Variants in DACH2 observed in about 807,000 individuals in gnomAD.
DACH2 encodes dachshund family transcription factor 2, also known as dachshund homolog 2.
In DACH2, 17 loss-of-function variants were observed where a neutral mutation model predicts 35.8. The ratio of observed to expected loss-of-function variants is 0.48; its 90% CI spans 0.33 to 0.71. The LOEUF is 0.71. DACH2 is among the 30% of genes least tolerant of loss of function. DACH2 has a pLI of 0.02. For missense variants in DACH2, 469 were observed against 472.7 expected, an observed-to-expected ratio of 0.99 and a Z score of 0.07; for synonymous variants, 195 against 177.3, an observed-to-expected ratio of 1.10 and a Z score of -0.79.
At chrX:86,248,547 A>G (rs7050979) in intron 1 of DACH2, among the ~76,000 whole-genome samples, 11,227 of 111,125 alleles carry the variant, frequency 0.1, 1,439 homozygotes, top group African/African-American at 0.35. Flanking sequence ...ATCAGAGATG[A>G]CACACACAAA....
At chrX:86,388,453 C>A (rs2036153605) in intron 2 of DACH2, among the ~76,000 whole-genome samples, 1 of 111,351 alleles carries the variant, frequency 9.0e-6, no homozygotes, top group Non-Finnish European at 1.9e-5. Flanking sequence ...CCCAGTTCCC[C>A]ACAAACCAAT....
chrX:86,338,753 C>T (rs995928440), intron 1 of DACH2, among the ~76,000 whole-genome samples: 5 of 111,412 alleles, frequency 4.5e-5, no homozygotes, highest in Non-Finnish European at 9.4e-5. Context: ...CATGAAAAAC[C>T]CTTCAAAAAA....
Position 86,148,584 on chromosome X carries a change from C to T in DACH2, c.-37C>T. ...ATCTAGAGGAGTCAGGGCGAGAAAG[C>T]GAGGGCCGGAGGACCCACGATAGAG... On this transcript the variant is annotated 5_prime_UTR_variant, in exon 1 of 12. Coordinates refer to ENST00000373125, the MANE Select transcript of DACH2 (RefSeq NM_053281.3). The T allele has an allele frequency of 8.9e-7, 1 of 1,125,735 alleles. No homozygotes were observed. The highest frequency in any genetic ancestry group is 2.2e-5 in the South Asian group (1 of 45,686). The allele number at this position is 1,125,735 out of a possible 1,213,427, so 92.8% of individuals were successfully genotyped here. A position where few individuals can be genotyped will look rare whatever the true frequency, so the allele number is the denominator to read the frequency against.
rs191198778 is a variant in DACH2 at position 86,816,214 on chromosome X, A to G, written c.1750+115A>G. ...ATGATACTCTTCATATAAATAAAAT[A>G]AATAAGTTTTGACACTTCTTACTTT... On this transcript the variant is annotated intron_variant, in intron 11 of 11. Coordinates refer to ENST00000373125, the MANE Select transcript of DACH2 (RefSeq NM_053281.3). 2,944 of 408,315 alleles carry G rather than the reference A, an allele frequency of 7.2e-3. 18 individuals carry two copies. Among genetic ancestry groups the G allele is most frequent in the Non-Finnish European group, 6.2e-3 (1,604 of 258,735 alleles). 33.6% of individuals were successfully genotyped at this position (408,315 alleles called of 1,213,427 possible). A position where few individuals can be genotyped will look rare whatever the true frequency, so the allele number is the denominator to read the frequency against.
In DACH2 at chrX:86,832,441, G is replaced by A. The variant is rs2042622651; in HGVS notation, c.*286G>A. The A allele has an allele frequency of 2.3e-5, 6 of 263,880 alleles. No individual in the cohort carries two copies. The highest frequency in any genetic ancestry group is 1.3e-4 in the Admixed American group (2 of 15,019). The allele number at this position is 263,880 out of a possible 1,213,427, so 21.7% of individuals were successfully genotyped here. A position where few individuals can be genotyped will look rare whatever the true frequency, so the allele number is the denominator to read the frequency against. On this transcript the variant is annotated 3_prime_UTR_variant, in exon 12 of 12. Transcript: ENST00000373125. ...GCTTTTCTATGCTCATTTCAACTTG[G>A]CTTTTTGTCTTTTAAATTTTTAAAA...
At chrX:86,203,019 G>A (rs2032196153) in intron 1 of DACH2, among the ~76,000 whole-genome samples, 3 of 110,829 alleles carry the variant, frequency 2.7e-5, no homozygotes, top group African/African-American at 9.8e-5. Context: ...TGCCATTCCA[G>A]TAACATTTGG....
At chrX:86,245,754 C>T (rs1310707470) in intron 1 of DACH2, among the ~76,000 whole-genome samples, 1 of 112,049 alleles carries the variant, frequency 8.9e-6, no homozygotes, top group Non-Finnish European at 1.9e-5. Flanking sequence ...TGAACTCTGG[C>T]AGTTCTATAA....
At chrX:86,286,156 T>G in intron 1 of DACH2, among the ~76,000 whole-genome samples, 1 of 69,842 alleles carries the variant, frequency 1.4e-5, no homozygotes, top group Non-Finnish European at 2.5e-5. Context: ...GATCTCGCTC[T>G]GTCGCCCAGG....
intron 5 of DACH2, among the ~76,000 whole-genome samples, chrX:86,699,342 C>A (rs778297930): frequency 3.6e-5 from 4 of 112,264 alleles, no homozygotes; most frequent in South Asian, 7.5e-4. Flanking sequence ...ATACCCAAGG[C>A]TGGGCAATTT....
chrX:86,179,972 G>T (rs1435468837), intron 1 of DACH2, among the ~76,000 whole-genome samples: 2 of 108,060 alleles, frequency 1.9e-5, no homozygotes, highest in Non-Finnish European at 3.8e-5. Flanking sequence ...ATATGTATTT[G>T]CAAGATCTTG....
chrX:86,637,241 A>AAAAAAAAAAAAAAAAAAAAAAAAAAC lies in DACH2; in HGVS notation c.641-13790_641-13789insAAAAAAAAAAAAAAAAAAAACAAAAA, dbSNP rs1569457456. ...AAAAAAAAAAAAAAAAAAAAAAAAA[A>AAAAAAAAAAAAAAAAAAAAAAAAAAC]AAAAACAGATGCTGGTTAGTTTTCA... On this transcript the variant is annotated intron_variant, in intron 3 of 11. Coordinates refer to ENST00000373125, the MANE Select transcript of DACH2 (RefSeq NM_053281.3). 3.8e-5 allele frequency among the ~76,000 whole-genome samples: 3 copies of AAAAAAAAAAAAAAAAAAAAAAAAAAC among 77,926 alleles called. 1 individual carries two copies. The highest frequency in any genetic ancestry group is 6.1e-4 in the East Asian group (1 of 1,640). The allele number at this position is 77,926 out of a possible 115,157, so 67.7% of individuals were successfully genotyped here.
chrX:86,419,384 C>T (rs2036762988), intron 2 of DACH2, among the ~76,000 whole-genome samples: 1 of 112,181 alleles, frequency 8.9e-6, no homozygotes, highest in South Asian at 3.7e-4. Flanking sequence ...GGAGACCTCA[C>T]AATCATGGCA....
chrX:86,395,119 G>A (rs756904640), intron 2 of DACH2, among the ~76,000 whole-genome samples: 1 of 111,202 alleles, frequency 9.0e-6, no homozygotes, highest in South Asian at 3.8e-4. Context: ...TATCATAAAC[G>A]AATCTTAACT....
chrX:86,634,880 T>C (rs1055647157), intron 3 of DACH2, among the ~76,000 whole-genome samples: 2 of 111,481 alleles, frequency 1.8e-5, no homozygotes, highest in African/African-American at 3.3e-5. Context: ...ATCTACAGAT[T>C]CCCTGCAATC....
At chrX:86,511,746 C>A in intron 2 of DACH2, among the ~76,000 whole-genome samples, 1 of 111,593 alleles carries the variant, frequency 9.0e-6, no homozygotes, top group South Asian at 3.8e-4. Context: ...CTATGTGTGA[C>A]TACAGGGGCC....
chrX:86,799,046 G>A (rs2042266225), intron 7 of DACH2: 1 of 284,790 alleles, frequency 3.5e-6, no homozygotes, highest in Non-Finnish European at 6.7e-6. Context: ...ATAGCAGGTG[G>A]TATTCTTTCC....
At chrX:86,683,428 A>C (rs1428485855) in intron 4 of DACH2, among the ~76,000 whole-genome samples, 1 of 111,487 alleles carries the variant, frequency 9.0e-6, no homozygotes, top group Non-Finnish European at 1.9e-5. Context: ...CACTTGATAC[A>C]TTATTAGAAG....
chrX:86,723,679 A>T (rs1236511735), intron 6 of DACH2, among the ~76,000 whole-genome samples: 1 of 111,876 alleles, frequency 8.9e-6, no homozygotes, highest in Non-Finnish European at 1.9e-5. Context: ...TTTGAATTTT[A>T]AAAATGTGTT....
chrX:86,435,020 G>A (rs2037045278), intron 2 of DACH2, among the ~76,000 whole-genome samples: 1 of 111,290 alleles, frequency 9.0e-6, no homozygotes, highest in African/African-American at 3.3e-5. Context: ...TACAAGCCAT[G>A]AGGGATCTCA....
Sources: gnomAD v4.1 joint callset for allele counts (sites outside exome capture counted in the v4.1 genomes callset) on GRCh38, gnomAD v4.1.1 for gene constraint, MANE v1.5 for transcripts, NCBI Gene and HGNC (gene_info 2026-07-23, HGNC 2026-07-21) for gene names.